AKAP19: variants seen among roughly 807,000 people sequenced by gnomAD.
AKAP19 encodes the protein A-kinase anchoring protein 19, also known as small A-kinase anchoring protein.
chr2:189,958,289 A>G, the AKAP19 span, among the ~76,000 whole-genome samples: 12 of 152,104 alleles, frequency 7.9e-5, no homozygotes, highest in East Asian at 5.8e-4. Flanking sequence ...AAAATACTCA[A>G]CCTCACTGTA....
At chr2:190,007,309 C>T in the AKAP19 span, among the ~76,000 whole-genome samples, 1 of 152,198 alleles carries the variant, frequency 6.6e-6, no homozygotes, top group Non-Finnish European at 1.5e-5. Context: ...ACTCACATGA[C>T]TTCATAACAT....
chr2:190,069,175 T>TGTGTGAGAGAGAGAGAGA, the AKAP19 span, among the ~76,000 whole-genome samples: 3 of 123,506 alleles, frequency 2.4e-5, no homozygotes, highest in Non-Finnish European at 4.9e-5. Context: ...TGTGTGTGTG[T>TGTGTGAGAGAGAGAGAGA]GAGAGAGAGA....
chr2:189,966,597 A>G, the AKAP19 span, among the ~76,000 whole-genome samples: 4 of 152,310 alleles, frequency 2.6e-5, 1 homozygote, highest in South Asian at 8.3e-4. Flanking sequence ...TTGTAAAGCA[A>G]CTGTTCTGTA....
the AKAP19 span, chr2:190,180,903 C>T: frequency 1.0e-6 from 1 of 985,280 alleles, no homozygotes; most frequent in Non-Finnish European, 1.2e-6. This position sits in a 1 kb window ranked among gnomAD's most constrained non-coding sequence, Gnocchi z 6.8. Context: ...GGCGAGAAGG[C>T]GGCGCCGCTG....
the AKAP19 span, among the ~76,000 whole-genome samples, chr2:189,881,199 T>A: frequency 6.6e-6 from 1 of 152,204 alleles, no homozygotes. Context: ...AAGAGTTAAC[T>A]GTTAACCTTG....
At chr2:190,042,017 T>C in the AKAP19 span, among the ~76,000 whole-genome samples, 1 of 152,180 alleles carries the variant, frequency 6.6e-6, no homozygotes, top group African/African-American at 2.4e-5. Context: ...GGTATCAGGG[T>C]GATGCTGGCC....
chr2:190,202,245 T>G, the AKAP19 span: 1 of 166,978 alleles, frequency 6.0e-6, no homozygotes, highest in African/African-American at 2.4e-5. Flanking sequence ...CAAGCACCAC[T>G]CCCTTGTCCC....
the AKAP19 span, among the ~76,000 whole-genome samples, chr2:190,023,597 T>G: frequency 6.6e-6 from 1 of 151,940 alleles, no homozygotes; most frequent in African/African-American, 2.4e-5. Flanking sequence ...ATTTTCTGTT[T>G]TTATTCCAGT....
chr2:190,168,080 A>G, the AKAP19 span, among the ~76,000 whole-genome samples: 2 of 152,206 alleles, frequency 1.3e-5, no homozygotes, highest in African/African-American at 4.8e-5. Flanking sequence ...CTGCCTGGAC[A>G]TTCAGGTGTT....
the AKAP19 span, among the ~76,000 whole-genome samples, chr2:190,052,660 C>T: frequency 6.6e-6 from 1 of 152,184 alleles, no homozygotes; most frequent in South Asian, 2.1e-4. Flanking sequence ...TAGTGTCCTT[C>T]ATAAGACGTT....
chr2:189,910,595 T>A, the AKAP19 span, among the ~76,000 whole-genome samples: 1 of 152,032 alleles, frequency 6.6e-6, no homozygotes, highest in Non-Finnish European at 1.5e-5. Context: ...TTCTCTTCTT[T>A]CTTTTTCTCT....
At chr2:190,176,885 C>T in the AKAP19 span, among the ~76,000 whole-genome samples, 2 of 152,168 alleles carry the variant, frequency 1.3e-5, no homozygotes, top group Non-Finnish European at 2.9e-5. This position sits in a 1 kb window ranked among gnomAD's most constrained non-coding sequence, Gnocchi z 4.7. Context: ...GAGGTAAGTT[C>T]ACTGTTTTGG....
chr2:190,052,678 A>G, the AKAP19 span, among the ~76,000 whole-genome samples: 1 of 152,210 alleles, frequency 6.6e-6, no homozygotes, highest in Admixed American at 6.5e-5. Flanking sequence ...GTTAAAGAGA[A>G]AAAACCCTTA....
the AKAP19 span, among the ~76,000 whole-genome samples, chr2:189,934,139 A>G: frequency 6.6e-6 from 1 of 152,102 alleles, no homozygotes; most frequent in Non-Finnish European, 1.5e-5. Flanking sequence ...CAGTCTCTCA[A>G]TTGGCAAAAT....
At chr2:190,096,104 A>G in the AKAP19 span, among the ~76,000 whole-genome samples, 6 of 152,124 alleles carry the variant, frequency 3.9e-5, no homozygotes, top group Admixed American at 2.0e-4. Flanking sequence ...GTATCTAGGA[A>G]AAGGTGAGGC....
At chr2:189,952,711 T>C in the AKAP19 span, among the ~76,000 whole-genome samples, 130 of 152,360 alleles carry the variant, frequency 8.5e-4, no homozygotes, top group African/African-American at 3.0e-3. Flanking sequence ...TGTGTGCAAC[T>C]GTAGGAGAAT....
At chr2:189,999,052 G>A in the AKAP19 span, among the ~76,000 whole-genome samples, 66 of 151,638 alleles carry the variant, frequency 4.4e-4, no homozygotes, top group African/African-American at 1.5e-3. Context: ...GATTACAGAC[G>A]TAAGCCACCA....
chr2:190,125,899 A>T, the AKAP19 span, among the ~76,000 whole-genome samples: 2 of 152,268 alleles, frequency 1.3e-5, 1 homozygote. Context: ...ATAAAAATGC[A>T]TGGCATGAGA....
the AKAP19 span, among the ~76,000 whole-genome samples, chr2:190,178,100 T>C: frequency 1.3e-5 from 2 of 152,112 alleles, no homozygotes; most frequent in Non-Finnish European, 2.9e-5. The surrounding 1 kb of genome is among the most constrained non-coding windows in gnomAD (Gnocchi z 6.3). Flanking sequence ...CACCACCAGT[T>C]TGAGGAGTTC....
Sources: allele counts gnomAD v4.1 joint callset (sites outside exome capture counted in the v4.1 genomes callset), GRCh38; gene constraint gnomAD v4.1.1; non-coding constraint Gnocchi (gnomAD v3.1); transcripts MANE v1.5; gene names NCBI Gene and HGNC (gene_info 2026-07-23, HGNC 2026-07-21).